Variants in SLC44A5 observed in about 807,000 individuals in gnomAD.
SLC44A5 encodes the protein choline transporter-like protein 5.
Under a neutral mutation model 101.8 loss-of-function variants are expected in SLC44A5, and 57 were observed. The ratio of observed to expected loss-of-function variants is 0.56; its 90% CI spans 0.45 to 0.70. The LOEUF is 0.70. SLC44A5 is among the 30% of genes least tolerant of loss of function. The pLI, the probability that SLC44A5 is intolerant of heterozygous loss-of-function variation, is 0.00. For synonymous variants in SLC44A5, 281 were observed against 290.9 expected (o/e 0.97, Z 0.35); for missense variants, 737 against 853.1 (o/e 0.86, Z 1.70).
intron 13 of SLC44A5, among the ~76,000 whole-genome samples, chr1:75,223,044 G>A (rs1012257172): frequency 6.6e-6 from 1 of 152,142 alleles, no homozygotes; most frequent in Non-Finnish European, 1.5e-5. Context: ...GATTTATTTA[G>A]TCTTGAATTG....
chr1:75,567,845 T>C lies in SLC44A5; in HGVS notation c.-69-26329A>G, dbSNP rs879803722. On this transcript the variant is annotated intron_variant, in intron 1 of 23. Transcript: ENST00000370859. The stretch of plus-strand genomic sequence containing the variant: ...TTGTTGTTTTCTGAATTAACTTTTT[T>C]CCACACTGATATTCAAGGAAGGAGA... 3.1e-4 allele frequency among the ~76,000 whole-genome samples: 47 copies of C among 152,190 alleles called. 1 individual carries two copies. The highest frequency in any genetic ancestry group is 1.9e-4 in the Non-Finnish European group (13 of 68,024).
chr1:75,540,866 C>T (rs2101950544), intron 2 of SLC44A5, among the ~76,000 whole-genome samples: 1 of 152,218 alleles, frequency 6.6e-6, no homozygotes, highest in East Asian at 1.9e-4. Context: ...CTAACCTATG[C>T]CTGTAAGGGG....
At chr1:75,712,221 A>G in the SLC44A5 span, among the ~76,000 whole-genome samples, 1 of 152,198 alleles carries the variant, frequency 6.6e-6, no homozygotes, top group South Asian at 2.1e-4. Flanking sequence ...TTCACCTATT[A>G]TGGTCCAAAT....
At chr1:75,554,508 C>T (rs1489033230) in intron 1 of SLC44A5, among the ~76,000 whole-genome samples, 3 of 149,182 alleles carry the variant, frequency 2.0e-5, no homozygotes, top group African/African-American at 4.9e-5. Flanking sequence ...GTGTCAGATG[C>T]CAAAAGGGGA....
At chr1:75,549,978 T>C (rs755124602) in intron 1 of SLC44A5, among the ~76,000 whole-genome samples, 1 of 152,028 alleles carries the variant, frequency 6.6e-6, no homozygotes, top group Non-Finnish European at 1.5e-5. Context: ...TTGTGGGCCA[T>C]GGGAAAGCAT....
At chr1:75,410,279 A>G (rs1390299639) in intron 2 of SLC44A5, among the ~76,000 whole-genome samples, 1 of 152,122 alleles carries the variant, frequency 6.6e-6, no homozygotes, top group Non-Finnish European at 1.5e-5. Context: ...AAAGAAAAGG[A>G]TAGACTTGGC....
At chr1:75,432,794 C>A (rs141509386) in intron 2 of SLC44A5, among the ~76,000 whole-genome samples, 40 of 152,206 alleles carry the variant, frequency 2.6e-4, no homozygotes, top group African/African-American at 9.4e-4. Flanking sequence ...AAGAAAAATT[C>A]TATTATTATG....
intron 2 of SLC44A5, among the ~76,000 whole-genome samples, chr1:75,466,422 C>T (rs567581850): frequency 1.6e-4 from 25 of 152,094 alleles, no homozygotes; most frequent in South Asian, 2.1e-4. Flanking sequence ...TTTGGCAGGC[C>T]GAGGTGGGCG....
At chr1:75,339,430 G>T in intron 4 of SLC44A5, 152 bp downstream of exon 4, 1 of 615,028 alleles carries the variant, frequency 1.6e-6, no homozygotes, top group Non-Finnish European at 2.9e-6. Flanking sequence ...TACTTTCCCT[G>T]TGTAAATAAG....
At chr1:75,670,693 C>G in the SLC44A5 span, among the ~76,000 whole-genome samples, 1 of 152,050 alleles carries the variant, frequency 6.6e-6, no homozygotes, top group Non-Finnish European at 1.5e-5. Flanking sequence ...GTGTGCTGAA[C>G]AATTCAGAAA....
intron 4 of SLC44A5, among the ~76,000 whole-genome samples, chr1:75,329,579 C>A (rs1192558243): frequency 1.3e-5 from 2 of 152,022 alleles, no homozygotes; most frequent in African/African-American, 4.8e-5. Context: ...TTATTGGGAG[C>A]ATAGTCTGTG....
At chr1:75,267,126 T>C (rs1295340181) in intron 6 of SLC44A5, among the ~76,000 whole-genome samples, 1 of 152,188 alleles carries the variant, frequency 6.6e-6, no homozygotes, top group Non-Finnish European at 1.5e-5. Context: ...GACTGGCCCA[T>C]TGGAGGACCT....
In SLC44A5 at chr1:75,537,029, A is replaced by ATATAT. The variant is rs1228367756; in HGVS notation, c.13+4405_13+4406insATATA. 7.1e-4 allele frequency among the ~76,000 whole-genome samples: 18 copies of ATATAT among 25,240 alleles called. 1 individual carries two copies. In the East Asian group the frequency reaches 0.012, roughly 17 times the overall value. The allele number at this position is 25,240 out of a possible 152,430, so 16.6% of individuals were successfully genotyped here. A position where few individuals can be genotyped will look rare whatever the true frequency, so the allele number is the denominator to read the frequency against. ...TCAAAAAAAAAAAAAAAAAAAAAAA[A>ATATAT]AAAAATATATATCTATGCCAAATGA... On this transcript the variant is annotated intron_variant, in intron 2 of 23. Coordinates refer to ENST00000370859, the MANE Select transcript of SLC44A5 (RefSeq NM_001130058.2).
intron 23 of SLC44A5, among the ~76,000 whole-genome samples, chr1:75,209,381 T>C (rs1646809693): frequency 6.6e-6 from 1 of 152,186 alleles, no homozygotes; most frequent in Non-Finnish European, 1.5e-5. Context: ...CCATGGTTAA[T>C]GTTGGAGATG....
the SLC44A5 span, among the ~76,000 whole-genome samples, chr1:75,625,694 T>C: frequency 6.6e-6 from 1 of 152,124 alleles, no homozygotes; most frequent in Non-Finnish European, 1.5e-5. Flanking sequence ...TGATACTGCG[T>C]CTCTTATTTA....
At chr1:75,279,672 A>G (rs1652230113) in intron 5 of SLC44A5, among the ~76,000 whole-genome samples, 1 of 151,978 alleles carries the variant, frequency 6.6e-6, no homozygotes, top group African/African-American at 2.4e-5. Flanking sequence ...CCTTTGGCTT[A>G]TATTTTGAAT....
At chr1:75,670,537 A>G in the SLC44A5 span, among the ~76,000 whole-genome samples, 39,253 of 152,094 alleles carry the variant, frequency 0.26, 5,405 homozygotes, top group Middle Eastern at 0.36. Flanking sequence ...TGACAATTAT[A>G]TAAATATGCT....
intron 3 of SLC44A5, among the ~76,000 whole-genome samples, chr1:75,373,820 C>G (rs1660387460): frequency 6.6e-6 from 1 of 152,154 alleles, no homozygotes; most frequent in African/African-American, 2.4e-5. Flanking sequence ...GCACTCAACC[C>G]TGAGGGTTCA....
chr1:75,324,152 C>G (rs1434529753), intron 4 of SLC44A5, among the ~76,000 whole-genome samples: 1 of 152,152 alleles, frequency 6.6e-6, no homozygotes, highest in Non-Finnish European at 1.5e-5. Flanking sequence ...CTTTAAATAG[C>G]AAACATCTGT....
Sources: gnomAD v4.1 joint callset for allele counts (sites outside exome capture counted in the v4.1 genomes callset) on GRCh38, gnomAD v4.1.1 for gene constraint, MANE v1.5 for transcripts, NCBI Gene and HGNC (gene_info 2026-07-23, HGNC 2026-07-21) for gene names.